Variants in LYVE1 observed in about 807,000 individuals in gnomAD.
LYVE1 encodes the protein lymphatic vessel endothelial hyaluronan receptor 1, also known as lymphatic vessel endothelial hyaluronic acid receptor 1.
LYVE1 carries 29 observed loss-of-function variants against 31.5 expected under a neutral mutation model. The ratio of observed to expected loss-of-function variants is 0.92; its 90% CI spans 0.69 to 1.26. The LOEUF (loss-of-function observed/expected upper bound fraction) is 1.26, where lower values mean the gene tolerates loss of function less well. Among genes scored for constraint, LYVE1 ranks in the 50% most tolerant of loss-of-function variants. The pLI is 0.00. For missense variants in LYVE1, 376 were observed against 380.2 expected, an observed-to-expected ratio of 0.99 and a Z score of 0.09; for synonymous variants, 134 against 139.4, an observed-to-expected ratio of 0.96 and a Z score of 0.27.
intron 1 of LYVE1, among the ~76,000 whole-genome samples, chr11:10,565,924 C>T (rs1349635364): frequency 1.3e-5 from 2 of 152,108 alleles, no homozygotes; most frequent in East Asian, 3.9e-4. Context: ...GATTCTCCTG[C>T]CTCATTCTCC....
intron 3 of LYVE1, among the ~76,000 whole-genome samples, chr11:10,563,637 C>T (rs138296089): frequency 5.3e-5 from 8 of 152,284 alleles, no homozygotes; most frequent in Middle Eastern, 3.4e-3. Context: ...GCATTACATA[C>T]ATCTGTACCT....
intron 5 of LYVE1, 37 bp from the exon 6 acceptor site, chr11:10,559,334 TCACA>T (rs1850370152): frequency 1.3e-6 from 2 of 1,557,328 alleles, no homozygotes; most frequent in African/African-American, 2.7e-5. Context: ...TGAGAGACTC[TCACA>T]CATAACGATA....
At position 10,559,052 on chromosome 11, in the gene LYVE1, G is replaced by T; in HGVS notation, c.*59C>A. The T allele has an allele frequency of 3.4e-6, 5 of 1,485,290 alleles. No homozygotes were observed. In the South Asian group the frequency reaches 3.8e-5, roughly 11 times the overall value. 92.0% of individuals were successfully genotyped at this position (1,485,290 alleles called of 1,614,324 possible). Reference sequence around the variant, plus strand: ...GGCCCTTTTGATTTCCCCAGCTGGGGCAGGGTAAGGAGCATGAAAGAAACC... The same window carrying T: ...GGCCCTTTTGATTTCCCCAGCTGGGTCAGGGTAAGGAGCATGAAAGAAACC... On this transcript the variant is annotated 3_prime_UTR_variant, in exon 6 of 6. Coordinates refer to ENST00000256178, the MANE Select transcript of LYVE1 (RefSeq NM_006691.4).
At chr11:10,560,935 C>G in intron 3 of LYVE1, 135 bp from the exon 4 acceptor site, 1 of 697,766 alleles carries the variant, frequency 1.4e-6, no homozygotes, top group Non-Finnish European at 2.4e-6. Flanking sequence ...CTAACCATAT[C>G]ACTTTCTTCC....
chr11:10,559,742 A>G (rs1850379590), intron 5 of LYVE1, 74 bp downstream of exon 5: 1 of 1,361,718 alleles, frequency 7.3e-7, no homozygotes, highest in Admixed American at 1.8e-5. Flanking sequence ...CAAAATGCCA[A>G]CAGTGACCCT....
In LYVE1 at chr11:10,568,634, T is replaced by C. The variant is rs2134018064; in HGVS notation, c.-102A>G. 2 of 1,438,362 alleles carry C rather than the reference T, an allele frequency of 1.4e-6. No individual in the cohort carries two copies. Among genetic ancestry groups the C allele is most frequent in the Non-Finnish European group, 1.8e-6 (2 of 1,087,224 alleles). 89.1% of individuals were successfully genotyped at this position (1,438,362 alleles called of 1,614,324 possible). ...GTCCGGATGGAGAGTTCTGGAACTA[T>C]GTTGAGGCTCACACTCACTGCTCCA... On this transcript the variant is annotated 5_prime_UTR_variant, in exon 1 of 6. Coordinates refer to ENST00000256178, the MANE Select transcript of LYVE1 (RefSeq NM_006691.4).
intron 1 of LYVE1, among the ~76,000 whole-genome samples, chr11:10,565,248 G>A (rs1850512268): frequency 6.6e-6 from 1 of 152,196 alleles, no homozygotes; most frequent in South Asian, 2.1e-4. Context: ...GTCTGCTAAT[G>A]ATTGATTACC....
intron 5 of LYVE1, 69 bp from the exon 6 acceptor site, chr11:10,559,366 A>G (rs1850370941): frequency 1.5e-6 from 2 of 1,293,528 alleles, no homozygotes; most frequent in Admixed American, 2.0e-5. Flanking sequence ...CTTTTTGGCC[A>G]TGGTACATAT....
rs1437801572 is a variant in LYVE1 at position 10,560,922 on chromosome 11, A to T, written c.398-122T>A. ...CAGCTGGAATGGTCTTTAAAAAGCA[A>T]ATCTAACCATATCACTTTCTTCCTT... On this transcript the variant is annotated intron_variant, in intron 3 of 5. Transcript: ENST00000256178. 5 of 753,798 alleles carry T rather than the reference A, an allele frequency of 6.6e-6. No homozygotes were observed. In the African/African-American group the frequency reaches 8.7e-5, roughly 13 times the overall value. 46.7% of individuals were successfully genotyped at this position (753,798 alleles called of 1,614,324 possible).
Position 10,564,054 on chromosome 11 carries a change from C to G in LYVE1, c.283G>C (p.Val95Leu). ...CSYGWVGDGF[V>L]VISRISPNPK... ...TTTGGGCTAATCCTAGAGATGACCA[C>G]GAATCCATCTCCAACCCAGCCATAG... Residue 95 changes from valine (V) to leucine (L), a missense_variant, in exon 3 of 6, where the codon GTG becomes CTG. Transcript: ENST00000256178. 1.2e-6 allele frequency: 2 copies of G among 1,614,194 alleles called. No homozygotes were observed. Among genetic ancestry groups the G allele is most frequent in the South Asian group, 1.1e-5 (1 of 91,084 alleles).
intron 1 of LYVE1, 58 bp from the exon 2 acceptor site, chr11:10,564,432 A>G: frequency 6.6e-7 from 1 of 1,522,260 alleles, no homozygotes. Flanking sequence ...CAGCCCTTAG[A>G]CTCTCCTTCC....
At chr11:10,568,261 A>G (rs1213804571) in intron 1 of LYVE1, among the ~76,000 whole-genome samples, 187 bp downstream of exon 1, 2 of 152,262 alleles carry the variant, frequency 1.3e-5, no homozygotes, top group African/African-American at 4.8e-5. Flanking sequence ...AGATGATACA[A>G]ACGTAAATGT....
chr11:10,566,799 A>G lies in LYVE1; in HGVS notation c.85+1649T>C, dbSNP rs942398242. ...TTCTCATCTGAAAATGGGGATGGAT[A>G]TATCTTCTTCACATGATTTTTATCA... On this transcript the variant is annotated intron_variant, in intron 1 of 5. Transcript: ENST00000256178. Among the ~76,000 whole-genome samples, 86 of 152,312 alleles carry G rather than the reference A, an allele frequency of 5.6e-4. 1 individual carries two copies. Among genetic ancestry groups the G allele is most frequent in the Admixed American group, 4.8e-3 (74 of 15,288 alleles).
In LYVE1 at chr11:10,559,021, T is replaced by G; in HGVS notation, c.*90A>C. On this transcript the variant is annotated 3_prime_UTR_variant, in exon 6 of 6. Transcript: ENST00000256178. ...ACCAAGGGTGGACTTTCTTCTTTGG[T>G]TCTTTGGCCCTTTTGATTTCCCCAG... The G allele has an allele frequency of 8.0e-7, 1 of 1,248,974 alleles. No homozygotes were observed. 77.4% of individuals were successfully genotyped at this position (1,248,974 alleles called of 1,614,324 possible).
intron 1 of LYVE1, among the ~76,000 whole-genome samples, chr11:10,566,491 C>G (rs565120686): frequency 2.0e-5 from 3 of 152,082 alleles, no homozygotes; most frequent in Non-Finnish European, 2.9e-5. Flanking sequence ...ACACACACAC[C>G]CCTAGGCTGA....
rs80253785 is a variant in LYVE1 at position 10,560,258 on chromosome 11, T to G, written c.703+237A>C. ...ATAGGAACAGATAGTGATTTATTTTTAAAAGTCTTGAGTTTTCAACAGTGA... is the reference window on the plus strand; with the variant it reads ...ATAGGAACAGATAGTGATTTATTTTGAAAAGTCTTGAGTTTTCAACAGTGA... On this transcript the variant is annotated intron_variant, in intron 4 of 5. Transcript: ENST00000256178. 2.5e-3 allele frequency among the ~76,000 whole-genome samples: 376 copies of G among 152,356 alleles called. 3 individuals are homozygous for G. The highest frequency in any genetic ancestry group is 8.6e-3 in the African/African-American group (359 of 41,588).
rs753728951 is a variant in LYVE1, at chr11:10,559,064, G to C, written c.*47C>G. Reference sequence around the variant, plus strand: ...TTCCCCAGCTGGGGCAGGGTAAGGAGCATGAAAGAAACCAGCCTCAGGTGT... The same window carrying C: ...TTCCCCAGCTGGGGCAGGGTAAGGACCATGAAAGAAACCAGCCTCAGGTGT... On this transcript the variant is annotated 3_prime_UTR_variant, in exon 6 of 6. Transcript: ENST00000256178. 88 of 1,562,712 alleles carry C rather than the reference G, an allele frequency of 5.6e-5. No homozygotes were observed. Among genetic ancestry groups the C allele is most frequent in the Non-Finnish European group, 7.4e-5 (85 of 1,141,194 alleles).
intron 1 of LYVE1, among the ~76,000 whole-genome samples, chr11:10,567,946 T>G (rs1850575222): frequency 6.6e-6 from 1 of 152,168 alleles, no homozygotes; most frequent in East Asian, 1.9e-4. Context: ...ATTCCCAAGC[T>G]TAGTGATTGC....
intron 5 of LYVE1, 134 bp downstream of exon 5, chr11:10,559,682 A>G: frequency 1.5e-6 from 1 of 684,406 alleles, no homozygotes; most frequent in Non-Finnish European, 2.5e-6. Flanking sequence ...GAAAGAGATG[A>G]GATGAGGGAG....
Sources: gnomAD v4.1 joint callset for allele counts (sites outside exome capture counted in the v4.1 genomes callset) on GRCh38, gnomAD v4.1.1 for gene constraint, MANE v1.5 for transcripts, NCBI Gene and HGNC (gene_info 2026-07-23, HGNC 2026-07-21) for gene names.